Variants in PTPRG observed in about 807,000 individuals in gnomAD.
The protein encoded by PTPRG is receptor-type tyrosine-protein phosphatase gamma.
Under a neutral mutation model 165.3 loss-of-function variants are expected in PTPRG, and 102 were observed. The observed-to-expected ratio is 0.62, with a 90% confidence interval of 0.53 to 0.73. PTPRG has a LOEUF of 0.73. PTPRG is among the 30% of genes least tolerant of loss of function. PTPRG has a pLI of 0.00. For missense variants in PTPRG, 1,866 were observed against 1,861.4 expected (o/e 1.00, Z -0.05); for synonymous variants, 675 against 669.5 (o/e 1.01, Z -0.13).
chr3:62,065,896 G>T (rs968587588), intron 4 of PTPRG, among the ~76,000 whole-genome samples: 1 of 152,220 alleles, frequency 6.6e-6, no homozygotes, highest in African/African-American at 2.4e-5. Flanking sequence ...ACACTAAAGG[G>T]TGTGGTTTGG....
chr3:62,002,894 A>C (rs2041207950), intron 3 of PTPRG, among the ~76,000 whole-genome samples: 1 of 152,150 alleles, frequency 6.6e-6, no homozygotes, highest in Non-Finnish European at 1.5e-5. Context: ...TTTCTGACCA[A>C]AGAAACATGC....
chr3:61,622,314 C>T (rs1336425912), intron 1 of PTPRG, among the ~76,000 whole-genome samples: 1 of 152,146 alleles, frequency 6.6e-6, no homozygotes. Flanking sequence ...TTTGAAATTG[C>T]ACAAGGTAAA....
chr3:62,123,969 A>C (rs1703181698), intron 5 of PTPRG, among the ~76,000 whole-genome samples: 1 of 152,206 alleles, frequency 6.6e-6, no homozygotes. Context: ...TTCCAACTGC[A>C]GAAAGGGCAT....
Position 61,761,522 on chromosome 3 carries a change from G to A in PTPRG, c.190+12540G>A, listed in dbSNP as rs1032956645. Among the ~76,000 whole-genome samples the A allele has an allele frequency of 4.6e-5, 7 of 152,200 alleles. No individual in the cohort carries two copies. The South Asian group carries it at 6.2e-4, about 14-fold the overall frequency. ...GAACCCTGGAGGTGGAGGTTGCAGT[G>A]AGCTGAGATTGTGCCATTGCACTCC... On this transcript the variant is annotated intron_variant, in intron 2 of 29. Coordinates refer to ENST00000474889, the MANE Select transcript of PTPRG (RefSeq NM_002841.4).
intron 4 of PTPRG, among the ~76,000 whole-genome samples, chr3:62,016,811 C>G (rs1181999366): frequency 6.6e-6 from 1 of 152,152 alleles, no homozygotes. Flanking sequence ...TCATTCACCC[C>G]CACACTTCTC....
At chr3:61,650,299 G>T (rs1322686507) in intron 1 of PTPRG, among the ~76,000 whole-genome samples, 1 of 152,172 alleles carries the variant, frequency 6.6e-6, no homozygotes, top group Middle Eastern at 3.2e-3. Flanking sequence ...TGCCAGCGAG[G>T]TATTACAGAA....
intron 6 of PTPRG, among the ~76,000 whole-genome samples, chr3:62,151,645 A>G (rs1298395234): frequency 6.6e-6 from 1 of 151,156 alleles, no homozygotes; most frequent in Non-Finnish European, 1.5e-5. Context: ...CCTGCTTATT[A>G]TGGTATAATG....
chr3:61,613,449 G>A (rs1400839236), intron 1 of PTPRG, among the ~76,000 whole-genome samples: 1 of 152,226 alleles, frequency 6.6e-6, no homozygotes, highest in African/African-American at 2.4e-5. Context: ...AAGACATGCA[G>A]GGGTGAAAGG....
Position 62,282,751 on chromosome 3 carries a change from C to T in PTPRG, c.3937C>T (p.His1313Tyr). 6.2e-7 allele frequency: 1 copy of T among 1,611,780 alleles called. No homozygotes were observed. Among genetic ancestry groups the T allele is most frequent in the Non-Finnish European group, 8.5e-7 (1 of 1,178,994 alleles). The change falls in exon 28 of 30, where the codon CAC becomes TAC. Residue 1313 changes from histidine to tyrosine, a missense_variant. By Grantham distance (83) the His-to-Tyr change is moderately conservative. Coordinates refer to ENST00000474889, the MANE Select transcript of PTPRG (RefSeq NM_002841.4). ...TQDDYVLEVR[H>Y]FQCPKWPNPD... ...GGATGACTATGTCTTAGAAGTTCGG[C>T]ACTTTCAGTGTCCCAAATGGCCTAA... is the stretch of plus-strand genomic sequence containing the variant.
chr3:61,865,939 A>G (rs1395148809), intron 2 of PTPRG, among the ~76,000 whole-genome samples: 2 of 152,206 alleles, frequency 1.3e-5, no homozygotes, highest in African/African-American at 4.8e-5. Context: ...TGTTGCCACA[A>G]GTCTGCATAG....
chr3:61,855,122 C>G (rs2037064276), intron 2 of PTPRG, among the ~76,000 whole-genome samples: 1 of 152,098 alleles, frequency 6.6e-6, no homozygotes, highest in African/African-American at 2.4e-5. Flanking sequence ...CTGTTTTGTT[C>G]CCAGCCTTGT....
chr3:62,047,653 C>T (rs1451015968), intron 4 of PTPRG, among the ~76,000 whole-genome samples: 1 of 152,134 alleles, frequency 6.6e-6, no homozygotes, highest in Non-Finnish European at 1.5e-5. Context: ...GTTCTCTAAC[C>T]CATTCAGCTG....
intron 1 of PTPRG, among the ~76,000 whole-genome samples, chr3:61,628,202 A>T (rs565145255): frequency 6.6e-6 from 1 of 152,304 alleles, no homozygotes; most frequent in South Asian, 2.1e-4. Context: ...AATTAGATAT[A>T]TGTGGCTCTT....
At chr3:61,754,913 A>G (rs2033581145) in intron 2 of PTPRG, among the ~76,000 whole-genome samples, 1 of 152,128 alleles carries the variant, frequency 6.6e-6, no homozygotes, top group South Asian at 2.1e-4. Context: ...CCTCTCTCCT[A>G]AAGCCTCCTC....
intron 2 of PTPRG, among the ~76,000 whole-genome samples, chr3:61,908,526 G>A (rs1213631410): frequency 6.6e-6 from 1 of 152,072 alleles, no homozygotes; most frequent in Non-Finnish European, 1.5e-5. Context: ...AAGATTTGGA[G>A]GACGTGGTTA....
chr3:62,095,920 A>G (rs1702093099), intron 5 of PTPRG, among the ~76,000 whole-genome samples: 1 of 152,168 alleles, frequency 6.6e-6, no homozygotes, highest in African/African-American at 2.4e-5. Flanking sequence ...GAAAGCCCTC[A>G]AGGCTCAAGC....
Position 61,989,779 on chromosome 3 carries a change from C to T in PTPRG, c.345C>T (p.Thr115=), listed in dbSNP as rs781571322. 12 of 1,613,920 alleles carry T rather than the reference C, an allele frequency of 7.4e-6. No individual in the cohort carries two copies. In the Admixed American group the frequency reaches 2.0e-4, roughly 27 times the overall value. The change falls in exon 3 of 30, where the codon ACC becomes ACT. Residue 115 remains threonine, a synonymous_variant. Transcript: ENST00000474889. ...DGFDNESSNK[T]WMKNTGKTVA... ...TCGACAATGAGTCTTCTAACAAAAC[C>T]TGGATGAAAAACACAGGGAAAACAG... is the stretch of plus-strand genomic sequence containing the variant.
intron 4 of PTPRG, among the ~76,000 whole-genome samples, chr3:62,022,042 C>T (rs1391686833): frequency 2.0e-5 from 3 of 151,818 alleles, no homozygotes; most frequent in Admixed American, 6.6e-5. Context: ...ATACAATTTA[C>T]GTTAAATTTT....
intron 5 of PTPRG, among the ~76,000 whole-genome samples, chr3:62,081,693 A>T (rs2106765943): frequency 6.6e-6 from 1 of 152,168 alleles, no homozygotes; most frequent in African/African-American, 2.4e-5. Flanking sequence ...TTGAATTCTC[A>T]CTATGTCATG....
Sources: gnomAD v4.1 joint callset for allele counts (sites outside exome capture counted in the v4.1 genomes callset) on GRCh38, gnomAD v4.1.1 for gene constraint, MANE v1.5 for transcripts, NCBI Gene and HGNC (gene_info 2026-07-23, HGNC 2026-07-21) for gene names.